The following PSTPIP1 variants were observed in gnomAD, a reference collection of about 807,000 sequenced individuals.
PSTPIP1 encodes the protein proline-serine-threonine phosphatase-interacting protein 1.
A neutral mutation model predicts 69.6 loss-of-function variants in PSTPIP1; 66 were observed. That is an observed-to-expected ratio of 0.95 (90% CI 0.78 to 1.16). The LOEUF (loss-of-function observed/expected upper bound fraction) is 1.16. Among genes scored for constraint, PSTPIP1 ranks in the 50% most tolerant of loss-of-function variants. The probability of loss-of-function intolerance (pLI) is 0.00; values close to 1 mark genes in which losing one functional copy is unlikely to be tolerated. For synonymous variants in PSTPIP1, 266 were observed against 222.7 expected (o/e 1.19, Z -1.73); for missense variants, 603 against 557.4 (o/e 1.08, Z -0.82).
At chr15:76,999,174 C>T (rs1362205461) in intron 1 of PSTPIP1, among the ~76,000 whole-genome samples, 1 of 152,140 alleles carries the variant, frequency 6.6e-6, no homozygotes, top group Non-Finnish European at 1.5e-5. Context: ...CTGCACAGGG[C>T]TGACAAGTGG....
At chr15:77,026,172 G>A (rs1451775801) in intron 5 of PSTPIP1, 13 of 455,992 alleles carry the variant, frequency 2.9e-5, no homozygotes, top group Non-Finnish European at 5.3e-5. Context: ...CATCATGGGA[G>A]GTGTGTAAGC....
chr15:77,001,027 G>C (rs1243572216), intron 1 of PSTPIP1, among the ~76,000 whole-genome samples: 1 of 152,138 alleles, frequency 6.6e-6, no homozygotes, highest in Admixed American at 6.6e-5. Flanking sequence ...GTGTGGACAT[G>C]GGTTCCTCAT....
At chr15:77,008,801 C>T (rs1370245821) in intron 1 of PSTPIP1, among the ~76,000 whole-genome samples, 1 of 152,174 alleles carries the variant, frequency 6.6e-6, no homozygotes, top group African/African-American at 2.4e-5. Context: ...CACACAGCCC[C>T]CAGGCCTGGG....
Position 77,027,232 on chromosome 15 carries a change from C to T in PSTPIP1, c.355-620C>T, listed in dbSNP as rs116828533. 4.9e-3 allele frequency among the ~76,000 whole-genome samples: 743 copies of T among 152,354 alleles called. 6 individuals are homozygous for T. The highest frequency in any genetic ancestry group is 0.017 in the African/African-American group (692 of 41,572). ...CTCCTCCTACCTCATAACCCAGTCG[C>T]TGTCCTGGCTGTTTTGCCTTCTCTA... On this transcript the variant is annotated intron_variant, in intron 5 of 14. Coordinates refer to ENST00000558012, the MANE Select transcript of PSTPIP1 (RefSeq NM_003978.5). This position sits in a 1 kb window ranked among gnomAD's most constrained non-coding sequence, Gnocchi z 4.3.
intron 1 of PSTPIP1, among the ~76,000 whole-genome samples, chr15:77,005,628 T>C (rs1033092246): frequency 2.0e-5 from 3 of 152,232 alleles, no homozygotes; most frequent in Non-Finnish European, 4.4e-5. Context: ...ATTGTACCCA[T>C]CAAACAATAA....
intron 12 of PSTPIP1, 51 bp from the exon 13 acceptor site, chr15:77,035,457 G>T (rs1321601675): frequency 6.5e-7 from 1 of 1,532,864 alleles, no homozygotes; most frequent in East Asian, 2.4e-5. Context: ...CTCCTGGTGG[G>T]TCCCTGAGTG....
rs1568511710 is a variant in PSTPIP1 at position 77,027,574 on chromosome 15, CGT to C, written c.355-273_355-272del. Among the ~76,000 whole-genome samples, 1 of 152,124 alleles carries C rather than the reference CGT, an allele frequency of 6.6e-6. No individual in the cohort carries two copies. The highest frequency in any genetic ancestry group is 1.5e-5 in the Non-Finnish European group (1 of 68,010). On this transcript the variant is annotated intron_variant, in intron 5 of 14. Coordinates refer to ENST00000558012, the MANE Select transcript of PSTPIP1 (RefSeq NM_003978.5). The surrounding 1 kb of genome is among the most constrained non-coding windows in gnomAD (Gnocchi z 4.3). ...TGCAGGATGAACGACTGTGTGCGCA[CGT>C]GTGTTGGGGTGGGAACTCCCCAGCT... is the stretch of plus-strand genomic sequence containing the variant.
At chr15:77,004,418 C>T (rs1023971655) in intron 1 of PSTPIP1, among the ~76,000 whole-genome samples, 1 of 152,192 alleles carries the variant, frequency 6.6e-6, no homozygotes, top group African/African-American at 2.4e-5. Context: ...CCAGATGGAA[C>T]TCAGGGCTTC....
chr15:77,018,749 G>A (rs577491691), intron 3 of PSTPIP1, among the ~76,000 whole-genome samples: 1 of 152,286 alleles, frequency 6.6e-6, no homozygotes, highest in East Asian at 1.9e-4. Flanking sequence ...GTCTGGGCAG[G>A]GGAGACAGGA....
intron 5 of PSTPIP1, among the ~76,000 whole-genome samples, chr15:77,026,533 C>T (rs2076284957): frequency 6.6e-6 from 1 of 152,242 alleles, no homozygotes; most frequent in Non-Finnish European, 1.5e-5. Flanking sequence ...CCTCAGTTTC[C>T]CTCTCACAGG....
chr15:77,026,232 T>G, intron 5 of PSTPIP1: 1 of 455,586 alleles, frequency 2.2e-6, no homozygotes, highest in Non-Finnish European at 4.4e-6. Flanking sequence ...AAGTTGGATA[T>G]AGGTTCCCTG....
intron 12 of PSTPIP1, among the ~76,000 whole-genome samples, chr15:77,033,304 G>A (rs137952261): frequency 3.3e-5 from 5 of 152,322 alleles, no homozygotes; most frequent in East Asian, 3.9e-4. Flanking sequence ...GAGCAGGACT[G>A]GGGCATCTGG....
chr15:77,031,684 T>A (rs1285843412), intron 10 of PSTPIP1: 1 of 191,232 alleles, frequency 5.2e-6, no homozygotes, highest in Non-Finnish European at 1.1e-5. Context: ...GCTCCCCACA[T>A]CTCCAGGGTG....
intron 9 of PSTPIP1, 50 bp from the exon 10 acceptor site, chr15:77,031,130 G>C: frequency 3.9e-6 from 6 of 1,544,744 alleles, no homozygotes; most frequent in Non-Finnish European, 5.3e-6. Flanking sequence ...CAGCCTGGCC[G>C]GGCCCTGCAG....
chr15:77,032,823 T>C, intron 11 of PSTPIP1, 39 bp from the exon 12 acceptor site: 2 of 1,523,480 alleles, frequency 1.3e-6, no homozygotes, highest in Non-Finnish European at 1.8e-6. Context: ...GAATGGGGTG[T>C]TGGGGGCCGC....
chr15:77,007,999 T>C (rs2075852010), intron 1 of PSTPIP1: 3 of 456,094 alleles, frequency 6.6e-6, no homozygotes, highest in East Asian at 1.4e-4. Flanking sequence ...CTGAGCCCAC[T>C]CTCCTAGGCA....
chr15:76,999,445 A>C (rs752804181), intron 1 of PSTPIP1: 1 of 151,918 alleles, frequency 6.6e-6, no homozygotes, highest in Non-Finnish European at 1.5e-5. Context: ...CGTCTGTCTA[A>C]TTTTTGTATT....
chr15:77,016,630 G>A (rs999941209), intron 1 of PSTPIP1, among the ~76,000 whole-genome samples: 1 of 151,950 alleles, frequency 6.6e-6, no homozygotes, highest in Non-Finnish European at 1.5e-5. Flanking sequence ...GGGGGTAGGA[G>A]CTTGGGGTCC....
At chr15:76,998,849 T>A (rs2075637546) in intron 1 of PSTPIP1, among the ~76,000 whole-genome samples, 1 of 152,164 alleles carries the variant, frequency 6.6e-6, no homozygotes, top group South Asian at 2.1e-4. Context: ...TGCACGCTGC[T>A]GTAGGAGTGA....
Sources: gnomAD v4.1 joint callset for allele counts (sites outside exome capture counted in the v4.1 genomes callset) on GRCh38, gnomAD v4.1.1 for gene constraint, Gnocchi (gnomAD v3.1) non-coding constraint, MANE v1.5 for transcripts, NCBI Gene and HGNC (gene_info 2026-07-23, HGNC 2026-07-21) for gene names.